The following GLI2 variants were observed in gnomAD, a reference collection of about 807,000 sequenced individuals.
GLI2 encodes the protein transcription activator GLI2.
In GLI2, 22 loss-of-function variants were observed where a neutral mutation model predicts 78.9. That is an observed-to-expected ratio of 0.28 (90% CI 0.20 to 0.40). The LOEUF (loss-of-function observed/expected upper bound fraction) is 0.40. GLI2 is among the 10% of genes least tolerant of loss of function. The pLI is 1.00. For missense variants in GLI2, 2,097 were observed against 2,213.2 expected, an observed-to-expected ratio of 0.95 and a Z score of 1.05; for synonymous variants, 974 against 963.7, an observed-to-expected ratio of 1.01 and a Z score of -0.20.
intron 2 of GLI2, among the ~76,000 whole-genome samples, chr2:120,833,811 CTTAAGAT>C (rs1033031806): frequency 2.6e-5 from 4 of 152,198 alleles, no homozygotes; most frequent in African/African-American, 9.7e-5. Flanking sequence ...AGCATTTGAA[CTTAAGAT>C]TTGTTTTCAG....
chr2:120,817,847 G>C (rs1360421357), intron 2 of GLI2, among the ~76,000 whole-genome samples: 1 of 152,182 alleles, frequency 6.6e-6, no homozygotes, highest in Non-Finnish European at 1.5e-5. Flanking sequence ...CTCGTATGGA[G>C]CAAACCTAAG....
At chr2:120,977,331 C>A (rs1049573613) in intron 9 of GLI2, among the ~76,000 whole-genome samples, 1 of 152,156 alleles carries the variant, frequency 6.6e-6, no homozygotes, top group Non-Finnish European at 1.5e-5. Context: ...TTTTATCCAG[C>A]CCAATATATC....
chr2:120,949,143 A>AG (rs1173886853), intron 3 of GLI2, among the ~76,000 whole-genome samples: 1 of 152,152 alleles, frequency 6.6e-6, no homozygotes, highest in Admixed American at 6.5e-5. Flanking sequence ...GCCCTTGTCC[A>AG]GGGGTGCATT....
chr2:120,915,577 T>C (rs1201139261), intron 2 of GLI2, among the ~76,000 whole-genome samples: 1 of 152,198 alleles, frequency 6.6e-6, no homozygotes, highest in African/African-American at 2.4e-5. Context: ...AGGTTTTCCA[T>C]GATTCGTGCT....
chr2:120,809,956 G>C (rs906499094), intron 2 of GLI2, among the ~76,000 whole-genome samples: 2 of 152,218 alleles, frequency 1.3e-5, no homozygotes, highest in Non-Finnish European at 2.9e-5. Context: ...CTCTGCAGTG[G>C]TGGGGGCTGC....
At chr2:120,877,073 G>A (rs540769300) in intron 2 of GLI2, among the ~76,000 whole-genome samples, 3 of 152,340 alleles carry the variant, frequency 2.0e-5, no homozygotes, top group South Asian at 2.1e-4. Flanking sequence ...GGGTCAGCCG[G>A]TGATGCATTT....
intron 1 of GLI2, among the ~76,000 whole-genome samples, chr2:120,743,863 A>G (rs933242884): frequency 6.6e-6 from 1 of 152,202 alleles, no homozygotes; most frequent in Admixed American, 6.5e-5. Context: ...GACAGCGGGT[A>G]GGGTGGGAAG....
chr2:120,778,238 C>A (rs1683740525), intron 1 of GLI2, among the ~76,000 whole-genome samples: 1 of 152,166 alleles, frequency 6.6e-6, no homozygotes, highest in Non-Finnish European at 1.5e-5. Flanking sequence ...CGATTCTCCT[C>A]CCTATGTTGT....
At chr2:120,849,290 A>G (rs147413340) in intron 2 of GLI2, among the ~76,000 whole-genome samples, 2 of 152,366 alleles carry the variant, frequency 1.3e-5, no homozygotes, top group African/African-American at 2.4e-5. Context: ...ACTGAACTGT[A>G]CACTTAAAAA....
chr2:120,759,525 G>A (rs897116782), intron 1 of GLI2, among the ~76,000 whole-genome samples: 1 of 152,200 alleles, frequency 6.6e-6, no homozygotes, highest in African/African-American at 2.4e-5. Flanking sequence ...ATATTACAAA[G>A]GATAAAGGTA....
intron 2 of GLI2, among the ~76,000 whole-genome samples, chr2:120,914,205 G>A (rs79504057): frequency 0.047 from 7,223 of 152,274 alleles, 259 homozygotes; most frequent in African/African-American, 0.1. Flanking sequence ...TGACGGGGTC[G>A]CCAGTGTATA....
chr2:120,924,542 T>TACACACAC (rs56852363), intron 2 of GLI2, among the ~76,000 whole-genome samples: 1,897 of 149,638 alleles, frequency 0.013, 35 homozygotes, highest in African/African-American at 0.043. Flanking sequence ...CATTTAGAAA[T>TACACACAC]ACACACACAC....
intron 1 of GLI2, among the ~76,000 whole-genome samples, chr2:120,749,599 C>A (rs1682804571): frequency 6.6e-6 from 1 of 152,138 alleles, no homozygotes; most frequent in South Asian, 2.1e-4. Context: ...TCTGGGTCTC[C>A]ACTTGTTCAT....
At chr2:120,962,816 T>C (rs4848669) in intron 5 of GLI2, among the ~76,000 whole-genome samples, 122,007 of 152,188 alleles carry the variant, frequency 0.8, 52,979 homozygotes, top group East Asian at 1. Context: ...TAGGGGCACA[T>C]GAGAGGGTGG....
chr2:120,816,927 G>A (rs1010200508), intron 2 of GLI2, among the ~76,000 whole-genome samples: 2 of 152,212 alleles, frequency 1.3e-5, no homozygotes, highest in Non-Finnish European at 2.9e-5. Context: ...GCCTTCCCAT[G>A]CTGTTGGTTA....
At chr2:120,968,659 A>C (rs574682703) in intron 5 of GLI2, 55 bp from the exon 6 acceptor site, 11 of 1,168,820 alleles carry the variant, frequency 9.4e-6, no homozygotes, top group Non-Finnish European at 7.7e-6. Context: ...CCCACATGTC[A>C]CCCCCTCCCC....
chr2:120,977,276 T>C (rs1210730718), intron 9 of GLI2, among the ~76,000 whole-genome samples: 2 of 152,082 alleles, frequency 1.3e-5, no homozygotes, highest in African/African-American at 2.4e-5. Flanking sequence ...TTCCTAGGAG[T>C]GCATTTAAAA....
intron 2 of GLI2, among the ~76,000 whole-genome samples, chr2:120,817,072 A>T (rs972342033): frequency 6.6e-6 from 1 of 152,204 alleles, no homozygotes; most frequent in East Asian, 1.9e-4. Flanking sequence ...CCAAAGCTAC[A>T]CTGGAAAATA....
chr2:120,753,846 T>C (rs1024864521), intron 1 of GLI2, among the ~76,000 whole-genome samples: 7 of 151,572 alleles, frequency 4.6e-5, no homozygotes, highest in African/African-American at 1.7e-4. Context: ...TGCAGTGATC[T>C]TGGCTCACGC....
Sources: gnomAD v4.1 joint callset for allele counts (sites outside exome capture counted in the v4.1 genomes callset) on GRCh38, gnomAD v4.1.1 for gene constraint, MANE v1.5 for transcripts, NCBI Gene and HGNC (gene_info 2026-07-23, HGNC 2026-07-21) for gene names.